SLC44A5: variants seen among roughly 807,000 people sequenced by gnomAD.
SLC44A5 encodes the protein choline transporter-like protein 5.
Under a neutral mutation model 101.8 loss-of-function variants are expected in SLC44A5, and 57 were observed. The observed-to-expected ratio is 0.56, with a 90% CI of 0.45 to 0.70. The LOEUF (loss-of-function observed/expected upper bound fraction) is 0.70, where lower values mean the gene tolerates loss of function less well. Among genes scored for constraint, SLC44A5 ranks in the 30% least tolerant of loss-of-function variants. SLC44A5 has a pLI of 0.00. For synonymous variants in SLC44A5, 281 were observed against 290.9 expected (o/e 0.97, Z 0.35); for missense variants, 737 against 853.1 (o/e 0.86, Z 1.70).
At chr1:75,429,998 C>T (rs1343941567) in intron 2 of SLC44A5, among the ~76,000 whole-genome samples, 1 of 152,106 alleles carries the variant, frequency 6.6e-6, no homozygotes, top group East Asian at 1.9e-4. Context: ...TCTCACAGAG[C>T]TTTCTAATAT....
the SLC44A5 span, among the ~76,000 whole-genome samples, chr1:75,715,338 G>A: frequency 3.2e-4 from 49 of 152,092 alleles, no homozygotes; most frequent in Admixed American, 1.6e-3. Flanking sequence ...AAATAGCCAG[G>A]GCAACCCTAA....
intron 4 of SLC44A5, among the ~76,000 whole-genome samples, chr1:75,305,473 A>C (rs1177094320): frequency 6.6e-6 from 1 of 152,220 alleles, no homozygotes; most frequent in Non-Finnish European, 1.5e-5. Flanking sequence ...TACCTATTTA[A>C]TAGTTTTCAA....
chr1:75,721,316 A>G, the SLC44A5 span, among the ~76,000 whole-genome samples: 3 of 152,160 alleles, frequency 2.0e-5, no homozygotes, highest in African/African-American at 7.2e-5. Flanking sequence ...ACCACATGCA[A>G]CCCACAGGCC....
At chr1:75,243,152 G>GCT in intron 7 of SLC44A5, 141 bp from the exon 8 acceptor site, 4 of 1,069,080 alleles carry the variant, frequency 3.7e-6, no homozygotes, top group Non-Finnish European at 5.1e-6. Flanking sequence ...CAATTTCCTT[G>GCT]CTCTCTCTCT....
At chr1:75,587,514 G>T (rs1674078309) in intron 1 of SLC44A5, among the ~76,000 whole-genome samples, 2 of 152,116 alleles carry the variant, frequency 1.3e-5, no homozygotes, top group African/African-American at 4.8e-5. Flanking sequence ...CTTAATCACT[G>T]CTTTCTCATG....
At chr1:75,537,761 G>A (rs577941944) in intron 2 of SLC44A5, among the ~76,000 whole-genome samples, 108 of 152,180 alleles carry the variant, frequency 7.1e-4, no homozygotes, top group African/African-American at 2.6e-3. Flanking sequence ...ATAAAGAATT[G>A]TTGCTTGTTT....
intron 3 of SLC44A5, among the ~76,000 whole-genome samples, chr1:75,391,674 A>G (rs1661798327): frequency 6.6e-6 from 1 of 152,166 alleles, no homozygotes. Flanking sequence ...TCCATATGCA[A>G]AAGAAAGAAA....
At chr1:75,249,869 T>C (rs1649415825) in intron 7 of SLC44A5, among the ~76,000 whole-genome samples, 1 of 152,174 alleles carries the variant, frequency 6.6e-6, no homozygotes, top group Non-Finnish European at 1.5e-5. Flanking sequence ...GAGGTTTGTG[T>C]CTCTTGTTCC....
chr1:75,565,620 C>G (rs995090294), intron 1 of SLC44A5, among the ~76,000 whole-genome samples: 2 of 152,152 alleles, frequency 1.3e-5, no homozygotes, highest in African/African-American at 4.8e-5. Flanking sequence ...TCACTCCAGG[C>G]AGTAATGTAG....
At chr1:75,480,856 C>T (rs1428263427) in intron 2 of SLC44A5, among the ~76,000 whole-genome samples, 1 of 152,120 alleles carries the variant, frequency 6.6e-6, no homozygotes, top group Non-Finnish European at 1.5e-5. Context: ...TCAATGCCAT[C>T]CCCATCAAGC....
intron 1 of SLC44A5, among the ~76,000 whole-genome samples, chr1:75,584,494 G>A (rs1673881709): frequency 6.6e-6 from 1 of 152,162 alleles, no homozygotes; most frequent in South Asian, 2.1e-4. Context: ...TTTGGAAGAC[G>A]GATTCACTGA....
At chr1:75,537,027 A>ATATAT (rs1259131494) in intron 2 of SLC44A5, among the ~76,000 whole-genome samples, 6 of 34,134 alleles carry the variant, frequency 1.8e-4, no homozygotes, top group Non-Finnish European at 3.9e-4. Context: ...AAAAAAAAAA[A>ATATAT]AAAAAAATAT....
chr1:75,559,871 G>A (rs574257200), intron 1 of SLC44A5, among the ~76,000 whole-genome samples: 3 of 152,226 alleles, frequency 2.0e-5, no homozygotes, highest in East Asian at 1.9e-4. Context: ...TAAAACATGG[G>A]CAAAGGATTG....
chr1:75,456,335 C>G (rs1373355873), intron 2 of SLC44A5, among the ~76,000 whole-genome samples: 2 of 152,024 alleles, frequency 1.3e-5, no homozygotes, highest in African/African-American at 4.8e-5. Flanking sequence ...CAACAGTCAA[C>G]ATTGGGTACT....
At chr1:75,630,096 G>A in the SLC44A5 span, among the ~76,000 whole-genome samples, 2 of 152,112 alleles carry the variant, frequency 1.3e-5, no homozygotes, top group East Asian at 3.8e-4. Context: ...TGGGGAGGAG[G>A]GTAAGAGTTG....
intron 2 of SLC44A5, among the ~76,000 whole-genome samples, chr1:75,440,188 C>A (rs575198988): frequency 7.2e-5 from 11 of 152,004 alleles, no homozygotes; most frequent in African/African-American, 1.9e-4. Context: ...ATGTCAGATA[C>A]AATGGTGCAA....
chr1:75,488,700 T>A (rs1668283172), intron 2 of SLC44A5, among the ~76,000 whole-genome samples: 1 of 152,234 alleles, frequency 6.6e-6, no homozygotes, highest in Non-Finnish European at 1.5e-5. Flanking sequence ...AAAAAATCAT[T>A]TATTTCCCTA....
chr1:75,216,683 A>C (rs1646968419), intron 18 of SLC44A5, among the ~76,000 whole-genome samples: 1 of 151,782 alleles, frequency 6.6e-6, no homozygotes, highest in Admixed American at 6.6e-5. Flanking sequence ...TGTGGTTTTG[A>C]CTTGCATTTC....
chr1:75,504,026 T>C (rs1038163801), intron 2 of SLC44A5, among the ~76,000 whole-genome samples: 1 of 152,210 alleles, frequency 6.6e-6, no homozygotes, highest in African/African-American at 2.4e-5. Context: ...TACTAATCTT[T>C]ATCATTTTTT....
Sources: gnomAD v4.1 joint callset for allele counts (sites outside exome capture counted in the v4.1 genomes callset) on GRCh38, gnomAD v4.1.1 for gene constraint, MANE v1.5 for transcripts, NCBI Gene and HGNC (gene_info 2026-07-23, HGNC 2026-07-21) for gene names.